TMEM163: variants seen among roughly 807,000 people sequenced by gnomAD.
TMEM163 encodes the protein transmembrane protein 163.
TMEM163 carries 17 observed loss-of-function variants against 29.3 expected under a neutral mutation model. The observed-to-expected ratio is 0.58, with a 90% CI of 0.40 to 0.87. The LOEUF (loss-of-function observed/expected upper bound fraction) is 0.87. Among genes scored for constraint, TMEM163 ranks in the 40% least tolerant of loss-of-function variants. TMEM163 has a pLI of 0.00. For synonymous variants in TMEM163, 157 were observed against 160.6 expected, an observed-to-expected ratio of 0.98 and a Z score of 0.17; for missense variants, 303 against 381.5, an observed-to-expected ratio of 0.79 and a Z score of 1.71.
At chr2:134,621,819 A>G (rs1682743181) in intron 2 of TMEM163, among the ~76,000 whole-genome samples, 1 of 152,102 alleles carries the variant, frequency 6.6e-6, no homozygotes, top group Non-Finnish European at 1.5e-5. Flanking sequence ...TGAACCCGGG[A>G]GGTGGAGCTT....
At chr2:134,461,872 C>T (rs1574148861) in intron 6 of TMEM163, among the ~76,000 whole-genome samples, 1 of 152,348 alleles carries the variant, frequency 6.6e-6, no homozygotes, top group East Asian at 1.9e-4. Context: ...GGCTGGCAGC[C>T]TCAGGGAACC....
rs1680888976 is a variant in TMEM163 at position 134,550,449 on chromosome 2, C to CT, written c.458+120dup. On this transcript the variant is annotated intron_variant, in intron 4 of 7. Transcript: ENST00000281924. ...TGCACTAGTCACTCTCAGAAGCAAC[C>CT]TGGGGACCTTCTTCTCATCACTGGG... 5.7e-6 allele frequency: 5 copies of CT among 881,106 alleles called. No homozygotes were observed. In the South Asian group the frequency reaches 7.6e-5, roughly 13 times the overall value. The allele number at this position is 881,106 out of a possible 1,614,324, so 54.6% of individuals were successfully genotyped here. A position where few individuals can be genotyped will look rare whatever the true frequency, so the allele number is the denominator to read the frequency against.
chr2:134,581,131 T>C (rs1462761830), intron 2 of TMEM163, among the ~76,000 whole-genome samples: 1 of 152,138 alleles, frequency 6.6e-6, no homozygotes, highest in Non-Finnish European at 1.5e-5. Context: ...CACAGACACA[T>C]GGGGCAAATC....
At chr2:134,485,269 A>C (rs544907268) in intron 5 of TMEM163, among the ~76,000 whole-genome samples, 2 of 152,356 alleles carry the variant, frequency 1.3e-5, no homozygotes, top group East Asian at 3.9e-4. Flanking sequence ...CTGTTTTATA[A>C]TCAAGTATGG....
At chr2:134,557,778 T>C (rs1003260412) in intron 2 of TMEM163, among the ~76,000 whole-genome samples, 1 of 152,160 alleles carries the variant, frequency 6.6e-6, no homozygotes, top group African/African-American at 2.4e-5. Flanking sequence ...ACTCAAAGTC[T>C]GTCTTTTGTG....
chr2:134,478,393 T>C (rs1282512857), intron 5 of TMEM163, among the ~76,000 whole-genome samples: 2 of 152,144 alleles, frequency 1.3e-5, no homozygotes, highest in Admixed American at 1.3e-4. Context: ...GTTGTGACCA[T>C]AATGCTCATA....
intron 2 of TMEM163, among the ~76,000 whole-genome samples, chr2:134,666,855 G>A (rs1044818208): frequency 1.3e-5 from 2 of 152,174 alleles, no homozygotes; most frequent in Admixed American, 6.5e-5. Context: ...GCAGGCGTTC[G>A]ATAAATGTAA....
intron 2 of TMEM163, among the ~76,000 whole-genome samples, chr2:134,674,566 G>C (rs1684071490): frequency 6.6e-6 from 1 of 151,246 alleles, no homozygotes. Flanking sequence ...CACCATGTTG[G>C]CCAGGCTGGT....
Position 134,460,202 on chromosome 2 carries a change from G to A in TMEM163, c.668-2029C>T, listed in dbSNP as rs544635228. 7.8e-4 allele frequency among the ~76,000 whole-genome samples: 118 copies of A among 150,576 alleles called. No individual in the cohort carries two copies. Among genetic ancestry groups the A allele is most frequent in the Middle Eastern group, 3.5e-3 (1 of 282 alleles). ...CGGTGAGCAGCAGCCAGACTCTCCC[G>A]CAGGAAAGCCCCCGTCACGGGCTCA... is the stretch of plus-strand genomic sequence containing the variant. On this transcript the variant is annotated intron_variant, in intron 6 of 7. Coordinates refer to ENST00000281924, the MANE Select transcript of TMEM163 (RefSeq NM_030923.5). The surrounding 1 kb of genome is among the most constrained non-coding windows in gnomAD (Gnocchi z 4.3).
chr2:134,526,211 G>C (rs1001037865), intron 4 of TMEM163, among the ~76,000 whole-genome samples: 1 of 152,194 alleles, frequency 6.6e-6, no homozygotes, highest in African/African-American at 2.4e-5. Flanking sequence ...AAATCGATGG[G>C]AGAAGAAAAG....
At chr2:134,619,442 G>A (rs1324553161) in intron 2 of TMEM163, among the ~76,000 whole-genome samples, 1 of 152,158 alleles carries the variant, frequency 6.6e-6, no homozygotes, top group African/African-American at 2.4e-5. Context: ...TGCAAGGTTG[G>A]TTTAACATCC....
chr2:134,466,342 AC>A, intron 5 of TMEM163, 117 bp from the exon 6 acceptor site: 1 of 772,514 alleles, frequency 1.3e-6, no homozygotes, highest in Non-Finnish European at 2.2e-6. Context: ...GTGTGCTGCC[AC>A]CAGGTGGGGG....
At chr2:134,534,871 T>A (rs562851933) in intron 4 of TMEM163, among the ~76,000 whole-genome samples, 2 of 152,210 alleles carry the variant, frequency 1.3e-5, no homozygotes, top group Non-Finnish European at 2.9e-5. Flanking sequence ...GCCAAGTGAA[T>A]CCTTGAGGAA....
chr2:134,567,534 A>G lies in TMEM163; in HGVS notation c.323-15443T>C, dbSNP rs1029220910. 3.3e-5 allele frequency among the ~76,000 whole-genome samples: 5 copies of G among 152,260 alleles called. No individual in the cohort carries two copies. In the East Asian group the frequency reaches 9.7e-4, roughly 29 times the overall value. On this transcript the variant is annotated intron_variant, in intron 2 of 7. Transcript: ENST00000281924. ...TGGTGAAACCCCATCTCTACTACAA[A>G]TACAAAATTAGCCGAGTATGGTGGC... is the stretch of plus-strand genomic sequence containing the variant.
chr2:134,604,276 G>A (rs1682301001), intron 2 of TMEM163, among the ~76,000 whole-genome samples: 1 of 152,150 alleles, frequency 6.6e-6, no homozygotes, highest in African/African-American at 2.4e-5. Context: ...ATGTCCATCT[G>A]TGAGGGGGAC....
intron 2 of TMEM163, among the ~76,000 whole-genome samples, chr2:134,638,308 T>C (rs1333476321): frequency 6.6e-6 from 1 of 152,230 alleles, no homozygotes; most frequent in African/African-American, 2.4e-5. Context: ...GCAAACATGT[T>C]AGCAAACTGT....
At chr2:134,485,489 G>GT in intron 5 of TMEM163, among the ~76,000 whole-genome samples, 1 of 152,278 alleles carries the variant, frequency 6.6e-6, no homozygotes, top group East Asian at 1.9e-4. Context: ...CAGGAACTGC[G>GT]TAAGTGAGTC....
intron 5 of TMEM163, among the ~76,000 whole-genome samples, chr2:134,499,589 G>A (rs1294555660): frequency 6.6e-6 from 1 of 152,208 alleles, no homozygotes; most frequent in Non-Finnish European, 1.5e-5. Flanking sequence ...CAACTTTACA[G>A]TTGGGAAATT....
intron 5 of TMEM163, among the ~76,000 whole-genome samples, chr2:134,477,811 C>T (rs568177119): frequency 6.6e-6 from 1 of 152,304 alleles, no homozygotes; most frequent in Admixed American, 6.5e-5. Flanking sequence ...ACTTTTCTGT[C>T]CCTCCCATCC....
Sources: gnomAD v4.1 joint callset for allele counts (sites outside exome capture counted in the v4.1 genomes callset) on GRCh38, gnomAD v4.1.1 for gene constraint, Gnocchi (gnomAD v3.1) non-coding constraint, MANE v1.5 for transcripts, NCBI Gene and HGNC (gene_info 2026-07-23, HGNC 2026-07-21) for gene names.